The following FKBP15 variants were observed in gnomAD, a reference collection of about 807,000 sequenced individuals.
FKBP15 encodes the protein FK506-binding protein 15.
FKBP15 carries 106 observed loss-of-function variants against 158.1 expected under a neutral mutation model. The ratio of observed to expected loss-of-function variants is 0.67; its 90% confidence interval spans 0.57 to 0.79. The LOEUF is 0.79. Ranked by LOEUF, FKBP15 falls within the 30% of genes least tolerant of loss-of-function variation. The probability of loss-of-function intolerance (pLI) is 0.00; values close to 1 mark genes in which losing one functional copy is unlikely to be tolerated. For synonymous variants in FKBP15, 547 were observed against 548.6 expected, an observed-to-expected ratio of 1.00 and a Z score of 0.04; for missense variants, 1,287 against 1,479.1, an observed-to-expected ratio of 0.87 and a Z score of 2.13.
At chr9:113,179,615 C>T (rs1165752993) in intron 19 of FKBP15, among the ~76,000 whole-genome samples, 2 of 150,482 alleles carry the variant, frequency 1.3e-5, no homozygotes, top group Non-Finnish European at 3.0e-5. Flanking sequence ...GAGCTGAGAT[C>T]GTGCCACTGC....
At chr9:113,174,324 T>G in intron 22 of FKBP15, 104 bp downstream of exon 22, 1 of 1,246,704 alleles carries the variant, frequency 8.0e-7, no homozygotes, top group Non-Finnish European at 1.1e-6. Context: ...GAGTATCAGC[T>G]ATGAGAAATG....
chr9:113,208,355 AC>A (rs1830935476), intron 2 of FKBP15, among the ~76,000 whole-genome samples: 1 of 152,072 alleles, frequency 6.6e-6, no homozygotes, highest in South Asian at 2.1e-4. Context: ...CAAAAAAACA[AC>A]AAAAAAAAGG....
At chr9:113,211,097 T>C (rs1044795644) in intron 2 of FKBP15, among the ~76,000 whole-genome samples, 1 of 152,202 alleles carries the variant, frequency 6.6e-6, no homozygotes, top group Non-Finnish European at 1.5e-5. Context: ...AAACTCACTT[T>C]CACACATACG....
chr9:113,189,980 T>C (rs1018769941), intron 12 of FKBP15, among the ~76,000 whole-genome samples: 7 of 151,928 alleles, frequency 4.6e-5, no homozygotes, highest in African/African-American at 7.3e-5. Flanking sequence ...GGGGAGAAAA[T>C]TGACAGACTT....
Position 113,190,489 on chromosome 9 carries a change from G to A in FKBP15, c.1155C>T (p.Ser385=). 1.2e-6 allele frequency: 2 copies of A among 1,610,808 alleles called. No homozygotes were observed. The highest frequency in any genetic ancestry group is 2.2e-5 in the South Asian group (2 of 90,240). The change falls in exon 12 of 28, where the codon TCC becomes TCT. Residue 385 remains serine, a synonymous_variant. Transcript: ENST00000238256. Reference sequence around the variant, plus strand: ...GACATACTTCGATTTCTGAATCATTGGAATCCAGCTGTGGTGGAAGGATGG... The same window carrying A: ...GACATACTTCGATTTCTGAATCATTAGAATCCAGCTGTGGTGGAAGGATGG... ...MLPILPPQLD[S]NDSEIEDVNT... is the part of the protein sequence containing the mutation.
At chr9:113,180,242 T>C (rs182183461) in intron 19 of FKBP15, among the ~76,000 whole-genome samples, 2 of 152,338 alleles carry the variant, frequency 1.3e-5, no homozygotes, top group Non-Finnish European at 2.9e-5. Flanking sequence ...TAAAAATTAA[T>C]GCTGTCCCCC....
chr9:113,184,054 G>T lies in FKBP15; in HGVS notation c.1717-209C>A, dbSNP rs1830445805. Among the ~76,000 whole-genome samples, 1 of 152,084 alleles carries T rather than the reference G, an allele frequency of 6.6e-6. No homozygotes were observed. The highest frequency in any genetic ancestry group is 6.5e-5 in the Admixed American group (1 of 15,274). ...GTCCAATGGATTGAGTGAATAAATGGCTAAAAAAAGAAGTGAAATTCTGAA... is the reference window on the plus strand; with the variant it reads ...GTCCAATGGATTGAGTGAATAAATGTCTAAAAAAAGAAGTGAAATTCTGAA... On this transcript the variant is annotated intron_variant, in intron 17 of 27. Transcript: ENST00000238256. The surrounding 1 kb of genome is among the most constrained non-coding windows in gnomAD (Gnocchi z 4.5).
Position 113,216,083 on chromosome 9 carries a change from G to GGA in FKBP15, c.54-4492_54-4491insTC, listed in dbSNP as rs1554718976. 2.7e-3 allele frequency among the ~76,000 whole-genome samples: 231 copies of GGA among 86,016 alleles called. 1 individual carries two copies. The highest frequency in any genetic ancestry group is 3.7e-3 in the Non-Finnish European group (165 of 44,480). 56.4% of individuals were successfully genotyped at this position (86,016 alleles called of 152,430 possible). The stretch of plus-strand genomic sequence containing the variant: ...GGGTTGGACACAACCTTTATTTTGT[G>GGA]AAAAAAAAAAAAAAAAAAATCTGCA... On this transcript the variant is annotated intron_variant, in intron 1 of 27. Transcript: ENST00000238256.
chr9:113,169,796 G>A lies in FKBP15; in HGVS notation c.2913C>T (p.Pro971=). ...GGGACTCTGGCCTCTCCCTATTCAG[G>A]GGTGCTTGAGGCTGCCCAGAACTGG... ...ASASSGQPQA[P]LNRERPESPM... Residue 971 remains proline (P), a synonymous_variant, in exon 26 of 28, where the codon CCC becomes CCT. Coordinates refer to ENST00000238256, the MANE Select transcript of FKBP15 (RefSeq NM_015258.2). 6.3e-7 allele frequency: 1 copy of A among 1,583,898 alleles called. No homozygotes were observed. The highest frequency in any genetic ancestry group is 1.3e-5 in the African/African-American group (1 of 74,418).
rs898492916 is a variant in FKBP15, at chr9:113,162,364, A to T, written c.*3714T>A. The T allele has an allele frequency of 4.6e-6, 1 of 215,646 alleles. No individual in the cohort carries two copies. The highest frequency in any genetic ancestry group is 9.2e-6 in the Non-Finnish European group (1 of 109,188). 13.4% of individuals were successfully genotyped at this position (215,646 alleles called of 1,614,324 possible). On this transcript the variant is annotated 3_prime_UTR_variant, in exon 28 of 28. Coordinates refer to ENST00000238256, the MANE Select transcript of FKBP15 (RefSeq NM_015258.2). The stretch of plus-strand genomic sequence containing the variant: ...TTAGTGGCAGGTCTAGGAACTGATA[A>T]TGTCACCTAAGACCATGCTTTTTCT...
At position 113,184,670 on chromosome 9, in the gene FKBP15, A is replaced by G. The variant is rs1011695919; in HGVS notation, c.1608+25T>C. The G allele has an allele frequency of 1.3e-6, 2 of 1,565,056 alleles. No individual in the cohort carries two copies. The highest frequency in any genetic ancestry group is 2.7e-5 in the African/African-American group (2 of 74,232). ...CCCTGTTTACATCCCCACTTTCAAC[A>G]TCACCCCAACTCTGACTCAGTCACC... is the stretch of plus-strand genomic sequence containing the variant. On this transcript the variant is annotated intron_variant, in intron 16 of 27. Transcript: ENST00000238256. This position sits in a 1 kb window ranked among gnomAD's most constrained non-coding sequence, Gnocchi z 4.5.
In FKBP15 at chr9:113,178,658, C is replaced by G; in HGVS notation, c.2058G>C (p.Gln686His). 6.2e-7 allele frequency: 1 copy of G among 1,610,204 alleles called. No individual in the cohort carries two copies. Among genetic ancestry groups the G allele is most frequent in the East Asian group, 2.2e-5 (1 of 44,786 alleles). Reference protein sequence around the residue: ...SLKETDLLRGQLTKVQAKLSE... With the variant: ...SLKETDLLRGHLTKVQAKLSE... ...AGAGCTTTGCCTGCACTTTGGTGAGCTGGCCCCTGAGAAGATCTGTCTCCT... is the reference window on the plus strand; with the variant it reads ...AGAGCTTTGCCTGCACTTTGGTGAGGTGGCCCCTGAGAAGATCTGTCTCCT... Residue 686 changes from glutamine (Q) to histidine (H), a missense_variant, in exon 20 of 28, where the codon CAG (glutamine) becomes CAC (histidine). Coordinates refer to ENST00000238256, the MANE Select transcript of FKBP15 (RefSeq NM_015258.2).
At position 113,183,865 on chromosome 9, in the gene FKBP15, T is replaced by C. The variant is rs986979180; in HGVS notation, c.1717-20A>G. 5 of 1,578,474 alleles carry C rather than the reference T, an allele frequency of 3.2e-6. No homozygotes were observed. The highest frequency in any genetic ancestry group is 2.7e-5 in the African/African-American group (2 of 74,250). On this transcript the variant is annotated intron_variant, in intron 17 of 27. Transcript: ENST00000238256. ...ATTTTCCTAATTTCAAAATATATGA[T>C]GTACAATTTAAGTGTCTTGGGAGAA...
At chr9:113,218,164 T>C (rs1427639103) in intron 1 of FKBP15, among the ~76,000 whole-genome samples, 2 of 151,988 alleles carry the variant, frequency 1.3e-5, no homozygotes, top group African/African-American at 4.8e-5. Flanking sequence ...AAAGTATTAA[T>C]ACTTTTTTAA....
At chr9:113,180,948 C>T (rs991891026) in intron 19 of FKBP15, among the ~76,000 whole-genome samples, 1 of 152,188 alleles carries the variant, frequency 6.6e-6, no homozygotes. Flanking sequence ...GGACCTTGCC[C>T]ATCTCCCTTT....
At chr9:113,193,339 C>CT (rs112281734) in intron 11 of FKBP15, among the ~76,000 whole-genome samples, 153 bp downstream of exon 11, 2,314 of 145,756 alleles carry the variant, frequency 0.016, 38 homozygotes, top group African/African-American at 0.05. Context: ...GAGAAAAACA[C>CT]TTTTTTTTTT....
At chr9:113,212,640 A>T (rs1301374719) in intron 1 of FKBP15, among the ~76,000 whole-genome samples, 1 of 152,208 alleles carries the variant, frequency 6.6e-6, no homozygotes, top group African/African-American at 2.4e-5. Context: ...CAAATAAGAT[A>T]TCAATAAATA....
In FKBP15 at chr9:113,161,547, G is replaced by C. The variant is rs770301307; in HGVS notation, c.*4531C>G. The C allele has an allele frequency of 1.2e-6, 2 of 1,614,012 alleles. No homozygotes were observed. Among genetic ancestry groups the C allele is most frequent in the Non-Finnish European group, 1.7e-6 (2 of 1,179,894 alleles). On this transcript the variant is annotated 3_prime_UTR_variant, in exon 28 of 28. Coordinates refer to ENST00000238256, the MANE Select transcript of FKBP15 (RefSeq NM_015258.2). ...GGTGTTGGTGCTCCTGCTTCTGGCT[G>C]TACTGTATGAAGGCATCAAGGTTGG... is the stretch of plus-strand genomic sequence containing the variant.
chr9:113,166,296 C>A, intron 27 of FKBP15, 141 bp from the exon 28 acceptor site: 1 of 652,716 alleles, frequency 1.5e-6, no homozygotes, highest in South Asian at 2.1e-5. Context: ...ACTCTGAGGC[C>A]AGCAAACCTA....
Sources: allele counts gnomAD v4.1 joint callset (sites outside exome capture counted in the v4.1 genomes callset), GRCh38; gene constraint gnomAD v4.1.1; non-coding constraint Gnocchi (gnomAD v3.1); transcripts MANE v1.5; gene names NCBI Gene and HGNC (gene_info 2026-07-23, HGNC 2026-07-21).